The following RBFOX1 variants were observed in gnomAD, a reference collection of about 807,000 sequenced individuals.
RBFOX1 encodes RNA binding fox-1 homolog 1.
Under a neutral mutation model 57.7 loss-of-function variants are expected in RBFOX1, and 8 were observed. The ratio of observed to expected loss-of-function variants is 0.14; its 90% CI spans 0.08 to 0.25. The LOEUF (loss-of-function observed/expected upper bound fraction) is 0.25, where lower values mean the gene tolerates loss of function less well. RBFOX1 is among the 10% of genes least tolerant of loss of function. The pLI is 1.00. For missense variants in RBFOX1, 611 were observed against 548.5 expected (o/e 1.11, Z -1.14); for synonymous variants, 326 against 222.4 (o/e 1.47, Z -4.15).
intron 1 of RBFOX1, among the ~76,000 whole-genome samples, chr16:6,307,745 TTTATACATGATGATTGTTTATATTA>T (rs2079704019): frequency 6.8e-6 from 1 of 147,216 alleles, no homozygotes; most frequent in Admixed American, 6.8e-5. Flanking sequence ...ATTTCCATAT[TTTATACATGATGATTGTTTATATTA>T]TTTATATGTT....
intron 3 of RBFOX1, among the ~76,000 whole-genome samples, chr16:5,780,021 C>T (rs143485931): frequency 6.6e-6 from 1 of 152,182 alleles, no homozygotes. Flanking sequence ...TTGTTATTTT[C>T]AAGACGGAGT....
chr16:6,675,669 A>G (rs1031794698), intron 3 of RBFOX1, among the ~76,000 whole-genome samples: 1 of 152,234 alleles, frequency 6.6e-6, no homozygotes, highest in South Asian at 2.1e-4. Context: ...TCATGGCAGA[A>G]GGAAAGCATG....
chr16:6,534,910 C>G (rs2096714458), intron 2 of RBFOX1, among the ~76,000 whole-genome samples: 1 of 152,118 alleles, frequency 6.6e-6, no homozygotes, highest in Non-Finnish European at 1.5e-5. Flanking sequence ...AGTGGTCAAG[C>G]CTGGTCATAT....
At chr16:6,915,436 A>G (rs990367362) in intron 3 of RBFOX1, among the ~76,000 whole-genome samples, 2 of 152,080 alleles carry the variant, frequency 1.3e-5, no homozygotes, top group African/African-American at 4.8e-5. Flanking sequence ...CCGTTTTCTT[A>G]TTTCCTTGAT....
intron 3 of RBFOX1, among the ~76,000 whole-genome samples, chr16:6,816,478 A>C (rs1603628310): frequency 6.9e-6 from 1 of 144,176 alleles, no homozygotes; most frequent in East Asian, 2.0e-4. Flanking sequence ...GTGGTGGCTT[A>C]TGCCTGTAAT....
intron 4 of RBFOX1, among the ~76,000 whole-genome samples, chr16:7,068,379 G>A (rs184183359): frequency 1.2e-4 from 18 of 152,198 alleles, no homozygotes; most frequent in Non-Finnish European, 1.9e-4. Flanking sequence ...AATATAGAAA[G>A]TCAGAGACCA....
At chr16:6,562,832 T>TTTTCTTTCTTTC (rs370685598) in intron 2 of RBFOX1, among the ~76,000 whole-genome samples, 1,155 of 75,910 alleles carry the variant, frequency 0.015, 56 homozygotes, top group Middle Eastern at 0.034. Context: ...TTCTTGATTC[T>TTTTCTTTCTTTC]TTTCTTTCTT....
intron 4 of RBFOX1, among the ~76,000 whole-genome samples, chr16:7,116,993 C>G (rs1333604475): frequency 6.6e-6 from 1 of 152,012 alleles, no homozygotes; most frequent in Non-Finnish European, 1.5e-5. Flanking sequence ...TTTGTTTCCT[C>G]TGAGATACGT....
chr16:6,845,857 T>C (rs770769537), intron 3 of RBFOX1, among the ~76,000 whole-genome samples: 4 of 152,226 alleles, frequency 2.6e-5, no homozygotes, highest in Non-Finnish European at 5.9e-5. Flanking sequence ...TCAGTCCCAC[T>C]TGTGTATGGC....
In RBFOX1 at chr16:7,635,605, A is replaced by G. The variant is rs532482463; in HGVS notation, c.757+4922A>G. 2.1e-3 allele frequency among the ~76,000 whole-genome samples: 326 copies of G among 152,278 alleles called. 1 individual carries two copies. Among genetic ancestry groups the G allele is most frequent in the Non-Finnish European group, 3.9e-3 (266 of 68,020 alleles). On this transcript the variant is annotated intron_variant, in intron 11 of 15. Transcript: ENST00000550418. The stretch of plus-strand genomic sequence containing the variant: ...GACGGTGTGTTATTAGTTTGACTTT[A>G]CAGAGGAGAGTATACACAGATGTTA...
chr16:6,231,292 T>C (rs17139612), intron 1 of RBFOX1, among the ~76,000 whole-genome samples: 92,568 of 151,236 alleles, frequency 0.61, 29,840 homozygotes, highest in East Asian at 0.77. Context: ...GAATTTAGTG[T>C]AGGTCTAAGG....
At chr16:6,767,012 T>C (rs2077427842) in intron 3 of RBFOX1, among the ~76,000 whole-genome samples, 1 of 152,144 alleles carries the variant, frequency 6.6e-6, no homozygotes, top group African/African-American at 2.4e-5. Flanking sequence ...CCAGGTCATT[T>C]CTGGTCATGG....
intron 1 of RBFOX1, among the ~76,000 whole-genome samples, chr16:5,448,633 A>G (rs1261885450): frequency 6.6e-6 from 1 of 152,148 alleles, no homozygotes; most frequent in African/African-American, 2.4e-5. Context: ...TAGCTGTTGA[A>G]AACCAAGGAT....
At chr16:5,654,879 G>A (rs1170954355) in intron 3 of RBFOX1, among the ~76,000 whole-genome samples, 3 of 151,932 alleles carry the variant, frequency 2.0e-5, no homozygotes, top group East Asian at 3.9e-4. Flanking sequence ...TTGTAAGCAA[G>A]CAGGGGAATG....
At chr16:5,779,729 C>T (rs905016531) in intron 3 of RBFOX1, among the ~76,000 whole-genome samples, 11 of 152,076 alleles carry the variant, frequency 7.2e-5, no homozygotes, top group Admixed American at 3.9e-4. Flanking sequence ...GATTGTATTG[C>T]CCTGATATTT....
At chr16:5,250,233 G>A (rs547266201) in intron 1 of RBFOX1, among the ~76,000 whole-genome samples, 93 of 152,072 alleles carry the variant, frequency 6.1e-4, no homozygotes, top group Non-Finnish European at 1.1e-3. Flanking sequence ...ACTGGGGAGG[G>A]TTGGGGTATA....
At chr16:7,305,944 A>C (rs777233674) in intron 4 of RBFOX1, among the ~76,000 whole-genome samples, 8 of 152,108 alleles carry the variant, frequency 5.3e-5, no homozygotes, top group Non-Finnish European at 1.0e-4. Flanking sequence ...GTGTATGTGC[A>C]TGTGCGTTTT....
chr16:5,852,401 C>T (rs575114276), intron 3 of RBFOX1, among the ~76,000 whole-genome samples: 9 of 152,212 alleles, frequency 5.9e-5, no homozygotes, highest in Non-Finnish European at 1.2e-4. Context: ...GAAGTTGAGC[C>T]CCAGCCGGAT....
chr16:5,947,012 G>A lies in RBFOX1; in HGVS notation c.351+79677G>A, dbSNP rs2059413345. 6.6e-6 allele frequency among the ~76,000 whole-genome samples: 1 copy of A among 152,138 alleles called. No individual in the cohort carries two copies. Among genetic ancestry groups the A allele is most frequent in the South Asian group, 2.1e-4 (1 of 4,826 alleles). On this transcript the variant is annotated intron_variant, in intron 4 of 19. Coordinates refer to the RBFOX1 transcript ENST00000641259. The surrounding 1 kb of genome is among the most constrained non-coding windows in gnomAD (Gnocchi z 7.2). ...GGATTGCTTGAGGCCAGGAGTTTGA[G>A]ACCAGCTCTAGCAATATAGTGACAC...
Sources: gnomAD v4.1 joint callset for allele counts (sites outside exome capture counted in the v4.1 genomes callset) on GRCh38, gnomAD v4.1.1 for gene constraint, Gnocchi (gnomAD v3.1) non-coding constraint, MANE v1.5 for transcripts, NCBI Gene and HGNC (gene_info 2026-07-23, HGNC 2026-07-21) for gene names.